MACROH2A1: variants seen among roughly 807,000 people sequenced by gnomAD.
The protein encoded by MACROH2A1 is core histone macro-H2A.1.
In MACROH2A1, 2 loss-of-function variants were observed where a neutral mutation model predicts 31.6. The ratio of observed to expected loss-of-function variants is 0.06; its 90% CI spans 0.03 to 0.20. The LOEUF is 0.20. MACROH2A1 is among the 10% of genes least tolerant of loss of function. The pLI, the probability that MACROH2A1 is intolerant of heterozygous loss-of-function variation, is 1.00. For missense variants in MACROH2A1, 230 were observed against 474.0 expected (o/e 0.49, Z 4.78); for synonymous variants, 169 against 189.6 (o/e 0.89, Z 0.89).
chr5:135,372,849 C>T (rs1215814534), intron 2 of MACROH2A1, among the ~76,000 whole-genome samples: 1 of 152,258 alleles, frequency 6.6e-6, no homozygotes, highest in Non-Finnish European at 1.5e-5. Flanking sequence ...CTGTAGCCCA[C>T]TTTGCTGGCT....
In MACROH2A1 at chr5:135,335,153, A is replaced by AAGAT. The variant is rs751733204; in HGVS notation, c.954-16_954-13dup. ...TTGGAAAACCGTTCCTGGAGAAGAG[A>AAGAT]AGATAAGCACTCAGCAACTGGGATG... On this transcript the variant is annotated splice_polypyrimidine_tract_variant and intron_variant, in intron 8 of 8. Transcript: ENST00000511689. 1 of 1,612,532 alleles carries AAGAT rather than the reference A, an allele frequency of 6.2e-7. No individual in the cohort carries two copies. The highest frequency in any genetic ancestry group is 2.2e-5 in the East Asian group (1 of 44,880).
intron 8 of MACROH2A1, among the ~76,000 whole-genome samples, chr5:135,336,803 A>T (rs1266086110): frequency 1.3e-5 from 2 of 152,252 alleles, no homozygotes; most frequent in African/African-American, 2.4e-5. Flanking sequence ...CACAGGAGTC[A>T]AGGAGCACAG....
chr5:135,365,907 G>GC (rs571734216), intron 4 of MACROH2A1, among the ~76,000 whole-genome samples: 75 of 152,294 alleles, frequency 4.9e-4, no homozygotes, highest in African/African-American at 1.7e-3. Context: ...TTGGCTCTGT[G>GC]CCCCCCACCC....
intron 5 of MACROH2A1, chr5:135,353,568 C>G (rs931508741): frequency 6.5e-6 from 1 of 152,734 alleles, no homozygotes; most frequent in African/African-American, 2.4e-5. Flanking sequence ...CTGCCCTGCT[C>G]AGGGTGGCAA....
At chr5:135,343,605 G>C in intron 7 of MACROH2A1, 171 bp from the exon 8 acceptor site, 2 of 1,035,920 alleles carry the variant, frequency 1.9e-6, no homozygotes, top group South Asian at 3.3e-5. Flanking sequence ...ACGTGAGCTG[G>C]AGCCAAGCCA....
At chr5:135,348,323 G>A (rs1278503758) in intron 6 of MACROH2A1, among the ~76,000 whole-genome samples, 2 of 152,176 alleles carry the variant, frequency 1.3e-5, no homozygotes, top group African/African-American at 4.8e-5. Flanking sequence ...TTGCCCCCAA[G>A]CATAAACATG....
intron 2 of MACROH2A1, among the ~76,000 whole-genome samples, chr5:135,387,566 T>G (rs546087316): frequency 2.0e-5 from 3 of 152,310 alleles, no homozygotes; most frequent in Admixed American, 1.3e-4. Flanking sequence ...CAGAGTACTC[T>G]TTCCTGATCA....
At chr5:135,396,245 T>TA (rs1190801154) in intron 1 of MACROH2A1, among the ~76,000 whole-genome samples, 1 of 152,352 alleles carries the variant, frequency 6.6e-6, no homozygotes, top group African/African-American at 2.4e-5. Context: ...AGAGAAAAGT[T>TA]AAAGTGTGGG....
intron 5 of MACROH2A1, chr5:135,355,701 T>C: frequency 4.9e-6 from 1 of 202,562 alleles, no homozygotes; most frequent in South Asian, 9.0e-5. Flanking sequence ...AGTGAGATGA[T>C]CATGAACGAA....
At chr5:135,371,548 C>T (rs115589389) in intron 2 of MACROH2A1, among the ~76,000 whole-genome samples, 2 of 152,338 alleles carry the variant, frequency 1.3e-5, no homozygotes, top group African/African-American at 4.8e-5. Context: ...AGGTTTTCCA[C>T]AGCACCAAAG....
chr5:135,343,707 C>T (rs927556886), intron 7 of MACROH2A1: 11 of 476,624 alleles, frequency 2.3e-5, no homozygotes, highest in Admixed American at 3.4e-5. Context: ...AAAGCATACA[C>T]GGTTCTCCCA....
intron 8 of MACROH2A1, among the ~76,000 whole-genome samples, chr5:135,341,814 C>T (rs140893414): frequency 7.3e-4 from 111 of 152,350 alleles, no homozygotes; most frequent in Non-Finnish European, 1.1e-3. Flanking sequence ...CAGTTCAGGA[C>T]ATGGTTCTGA....
At chr5:135,344,683 AC>A (rs1438760585) in intron 7 of MACROH2A1, 1 of 152,262 alleles carries the variant, frequency 6.6e-6, no homozygotes, top group Non-Finnish European at 1.5e-5. Context: ...GCACAGTGGA[AC>A]AGGAGTATGT....
At chr5:135,394,386 G>C (rs1204199037) in intron 1 of MACROH2A1, among the ~76,000 whole-genome samples, 2 of 151,924 alleles carry the variant, frequency 1.3e-5, no homozygotes, top group Non-Finnish European at 2.9e-5. Flanking sequence ...TCTAGTTTGG[G>C]GCAGCTGCAT....
intron 5 of MACROH2A1, chr5:135,359,400 A>G (rs890757643): frequency 1.8e-5 from 18 of 985,236 alleles, no homozygotes; most frequent in Non-Finnish European, 2.0e-5. Flanking sequence ...TTTTAAAACA[A>G]AAACTTTCAA....
At chr5:135,343,512 C>T in intron 7 of MACROH2A1, 78 bp from the exon 8 acceptor site, 1 of 1,579,114 alleles carries the variant, frequency 6.3e-7, no homozygotes, top group Non-Finnish European at 8.6e-7. Flanking sequence ...CAGACCCACT[C>T]CCCTGCCACG....
Position 135,360,557 on chromosome 5 carries a change from C to T in MACROH2A1, c.528G>A (p.Glu176=). The part of the protein sequence containing the change: ...SKAASADSTT[E]GTPADGFTVL... Reference sequence around the variant, plus strand: ...CTGTGAAGCCGTCGGCAGGTGTGCCCTCGGTTGTGCTGTCGGCGCTGGCTG... The same window carrying T: ...CTGTGAAGCCGTCGGCAGGTGTGCCTTCGGTTGTGCTGTCGGCGCTGGCTG... Residue 176 remains glutamate, a synonymous_variant, in exon 5 of 9, where the codon GAG becomes GAA. Coordinates refer to ENST00000511689, the MANE Select transcript of MACROH2A1 (RefSeq NM_138610.3). The T allele has an allele frequency of 6.2e-7, 1 of 1,614,138 alleles. No individual in the cohort carries two copies. Among genetic ancestry groups the T allele is most frequent in the Non-Finnish European group, 8.5e-7 (1 of 1,179,994 alleles).
chr5:135,375,950 C>T (rs554358570), intron 2 of MACROH2A1, among the ~76,000 whole-genome samples: 1 of 152,296 alleles, frequency 6.6e-6, no homozygotes, highest in Admixed American at 6.5e-5. Flanking sequence ...ACACCACAAC[C>T]TCCTCCAATT....
chr5:135,335,107 T>C lies in MACROH2A1; in HGVS notation c.988A>G (p.Ile330Val), dbSNP rs759182678. The change falls in exon 9 of 9, where the codon ATT becomes GTT. Residue 330 changes from isoleucine (I) to valine (V), a missense_variant. Coordinates refer to ENST00000511689, the MANE Select transcript of MACROH2A1 (RefSeq NM_138610.3). ...AAGTAACTGGAGATGGCCTTCAGAA[T>C]CAGCTGAGCTGCTGTCTGCTTTGGA... ...GFPKQTAAQLILKAISSYFVS... is the reference protein window; with the variant it reads ...GFPKQTAAQLVLKAISSYFVS... The C allele has an allele frequency of 1.2e-6, 2 of 1,614,018 alleles. No individual in the cohort carries two copies. Among genetic ancestry groups the C allele is most frequent in the Non-Finnish European group, 1.7e-6 (2 of 1,179,864 alleles).
Sources: gnomAD v4.1 joint callset for allele counts (sites outside exome capture counted in the v4.1 genomes callset) on GRCh38, gnomAD v4.1.1 for gene constraint, MANE v1.5 for transcripts, NCBI Gene and HGNC (gene_info 2026-07-23, HGNC 2026-07-21) for gene names.